CAAP1: variants seen among roughly 807,000 people sequenced by gnomAD.
CAAP1 encodes the protein conserved anti-apoptotic protein.
Under a neutral mutation model 34.0 loss-of-function variants are expected in CAAP1, and 20 were observed. That is an observed-to-expected ratio of 0.59 (90% CI 0.41 to 0.86). CAAP1 has a LOEUF of 0.86. Among genes scored for constraint, CAAP1 ranks in the 40% least tolerant of loss-of-function variants. The probability of loss-of-function intolerance (pLI) is 0.00; values close to 1 mark genes in which losing one functional copy is unlikely to be tolerated. For synonymous variants in CAAP1, 213 were observed against 166.7 expected (o/e 1.28, Z -2.14); for missense variants, 538 against 450.5 (o/e 1.19, Z -1.76).
At chr9:26,858,839 G>C (rs1199253412) in intron 5 of CAAP1, among the ~76,000 whole-genome samples, 1 of 109,312 alleles carries the variant, frequency 9.1e-6, no homozygotes, top group East Asian at 2.4e-4. Context: ...AAAAAAAAAA[G>C]AAAAAGAAAT....
chr9:26,859,356 G>A (rs1822952149), intron 5 of CAAP1, among the ~76,000 whole-genome samples: 1 of 149,088 alleles, frequency 6.7e-6, no homozygotes, highest in African/African-American at 2.4e-5. Context: ...ACAATTCTGA[G>A]TGTGTGAACA....
chr9:26,852,057 A>T (rs1293380764), intron 5 of CAAP1, among the ~76,000 whole-genome samples: 1 of 152,046 alleles, frequency 6.6e-6, no homozygotes, highest in Non-Finnish European at 1.5e-5. Flanking sequence ...ATTTATTTTT[A>T]AATTAAATTT....
intron 5 of CAAP1, among the ~76,000 whole-genome samples, chr9:26,851,773 A>G (rs748530231): frequency 2.7e-4 from 41 of 152,220 alleles, no homozygotes; most frequent in Non-Finnish European, 2.4e-4. Context: ...CTCAATTTCC[A>G]AGCATCGGAG....
At position 26,867,717 on chromosome 9, in the gene CAAP1, TAA is replaced by T. The variant is rs869293335; in HGVS notation, c.666-6580_666-6579del. 7.9e-5 allele frequency among the ~76,000 whole-genome samples: 12 copies of T among 152,144 alleles called. 2 individuals are homozygous for T. The highest frequency in any genetic ancestry group is 2.9e-4 in the African/African-American group (12 of 41,450). ...TACTTAACCTATACTTTAAAATTATTAAAGTTATTAGAACTGCTGCTAGATCT... is the reference window on the plus strand; with the variant it reads ...TACTTAACCTATACTTTAAAATTATTAGTTATTAGAACTGCTGCTAGATCT... On this transcript the variant is annotated intron_variant, in intron 4 of 5. Coordinates refer to ENST00000333916, the MANE Select transcript of CAAP1 (RefSeq NM_024828.4).
chr9:26,861,936 G>A (rs1352821727), intron 4 of CAAP1, among the ~76,000 whole-genome samples: 7 of 152,100 alleles, frequency 4.6e-5, no homozygotes, highest in Non-Finnish European at 1.0e-4. Flanking sequence ...GATTAAAAAA[G>A]ACTTGTGATC....
At position 26,892,793 on chromosome 9, in the gene CAAP1, G is replaced by T; in HGVS notation, c.-78C>A. Reference sequence around the variant, plus strand: ...AAGCCCGACTCCTGCGGCCGTGGGCGGCAGGCACTGGCGTCGCAGGTTATG... The same window carrying T: ...AAGCCCGACTCCTGCGGCCGTGGGCTGCAGGCACTGGCGTCGCAGGTTATG... On this transcript the variant is annotated 5_prime_UTR_variant, in exon 1 of 6. Transcript: ENST00000333916. 3 of 1,345,240 alleles carry T rather than the reference G, an allele frequency of 2.2e-6. No individual in the cohort carries two copies. Among genetic ancestry groups the T allele is most frequent in the Non-Finnish European group, 3.0e-6 (3 of 995,908 alleles). 83.3% of individuals were successfully genotyped at this position (1,345,240 alleles called of 1,614,324 possible).
At chr9:26,888,612 T>C (rs1197303246) in intron 1 of CAAP1, among the ~76,000 whole-genome samples, 1 of 152,230 alleles carries the variant, frequency 6.6e-6, no homozygotes, top group Non-Finnish European at 1.5e-5. Flanking sequence ...TCTAACAGTT[T>C]ACAATGTAAT....
At chr9:26,863,613 T>C (rs1199094711) in intron 4 of CAAP1, among the ~76,000 whole-genome samples, 1 of 152,026 alleles carries the variant, frequency 6.6e-6, no homozygotes, top group Non-Finnish European at 1.5e-5. Context: ...AATCAGGATA[T>C]ATATTTAAAT....
At chr9:26,863,772 T>TAA (rs57763346) in intron 4 of CAAP1, among the ~76,000 whole-genome samples, 11 of 111,966 alleles carry the variant, frequency 9.8e-5, no homozygotes, top group East Asian at 6.2e-4. Context: ...CCGTTTAAAT[T>TAA]AAAAAAAAAA....
chr9:26,870,801 GA>G (rs1212195000), intron 4 of CAAP1, among the ~76,000 whole-genome samples: 3 of 151,904 alleles, frequency 2.0e-5, no homozygotes, highest in Non-Finnish European at 2.9e-5. Flanking sequence ...ATTTTTAGAA[GA>G]GATGGGGTTT....
At chr9:26,867,004 G>T (rs1823155786) in intron 4 of CAAP1, among the ~76,000 whole-genome samples, 1 of 152,058 alleles carries the variant, frequency 6.6e-6, no homozygotes, top group Admixed American at 6.6e-5. Flanking sequence ...AAGCATTACG[G>T]CCTGAGCTCC....
At position 26,842,440 on chromosome 9, in the gene CAAP1, G is replaced by C; in HGVS notation, c.947C>G (p.Pro316Arg). The C allele has an allele frequency of 1.2e-6, 2 of 1,614,106 alleles. No individual in the cohort carries two copies. The highest frequency in any genetic ancestry group is 8.5e-7 in the Non-Finnish European group (1 of 1,180,010). The change falls in exon 6 of 6, where the codon CCC becomes CGC. Residue 316 changes from proline (P) to arginine (R), a missense_variant. Physicochemically the swap from Pro to Arg is moderately radical, Grantham distance 103. Transcript: ENST00000333916. ...LGLAESSPNEPKAATLAVPPP... is the reference protein window; with the variant it reads ...LGLAESSPNERKAATLAVPPP... ...AGGAACAGCCAGGGTGGCTGCTTTG[G>C]GTTCGTTTGGGCTAGACTCTGCCAG...
intron 1 of CAAP1, among the ~76,000 whole-genome samples, chr9:26,891,401 T>C (rs972411444): frequency 1.3e-5 from 2 of 152,202 alleles, no homozygotes; most frequent in Non-Finnish European, 2.9e-5. Flanking sequence ...TTCTTATATA[T>C]ATACTGTTTG....
intron 5 of CAAP1, among the ~76,000 whole-genome samples, chr9:26,855,106 T>C (rs961566283): frequency 1.3e-5 from 2 of 152,356 alleles, no homozygotes; most frequent in Non-Finnish European, 2.9e-5. Flanking sequence ...TATGGGTGAA[T>C]GGATGAACAA....
Position 26,876,472 on chromosome 9 carries a change from GTT to G in CAAP1, c.665+8336_665+8337del, listed in dbSNP as rs60742949. Among the ~76,000 whole-genome samples the G allele has an allele frequency of 9.9e-3, 1,240 of 125,680 alleles. 21 individuals carry two copies. Among genetic ancestry groups the G allele is most frequent in the African/African-American group, 0.033 (1,157 of 35,434 alleles). 82.5% of individuals were successfully genotyped at this position (125,680 alleles called of 152,430 possible). ...TTCTATCATATATGCATTCTAGAAG[GTT>G]TTTTTTTTTTTTTTTTTGAGATTCC... is the stretch of plus-strand genomic sequence containing the variant. On this transcript the variant is annotated intron_variant, in intron 4 of 5. Transcript: ENST00000333916.
intron 4 of CAAP1, among the ~76,000 whole-genome samples, chr9:26,871,211 T>C (rs1339506109): frequency 6.6e-6 from 1 of 152,196 alleles, no homozygotes; most frequent in African/African-American, 2.4e-5. Context: ...ATTCTTAGTA[T>C]TCTAATGACA....
chr9:26,873,107 G>C (rs527914174), intron 4 of CAAP1, among the ~76,000 whole-genome samples: 1 of 152,246 alleles, frequency 6.6e-6, no homozygotes, highest in South Asian at 2.1e-4. Flanking sequence ...TTAAAAATTA[G>C]CTGGTTGTCA....
At chr9:26,890,586 A>C (rs1186416921) in intron 1 of CAAP1, among the ~76,000 whole-genome samples, 2 of 152,096 alleles carry the variant, frequency 1.3e-5, no homozygotes, top group Non-Finnish European at 2.9e-5. Context: ...CCAAAAAAAC[A>C]CAAAGCTTCC....
chr9:26,846,415 CAAAAAAAA>C (rs761402354), intron 5 of CAAP1, among the ~76,000 whole-genome samples: 3 of 61,746 alleles, frequency 4.9e-5, no homozygotes, highest in South Asian at 4.6e-4. Flanking sequence ...GACTCTGTCT[CAAAAAAAA>C]AAAAAAAAAA....
Sources: allele counts gnomAD v4.1 joint callset (sites outside exome capture counted in the v4.1 genomes callset), GRCh38; gene constraint gnomAD v4.1.1; transcripts MANE v1.5; gene names NCBI Gene and HGNC (gene_info 2026-07-23, HGNC 2026-07-21).